ELMO1: variants seen among roughly 807,000 people sequenced by gnomAD.
ELMO1 encodes the protein engulfment and cell motility protein 1.
A neutral mutation model predicts 98.9 loss-of-function variants in ELMO1; 26 were observed. That is an observed-to-expected ratio of 0.26 (90% CI 0.19 to 0.36). ELMO1 has a LOEUF of 0.36. ELMO1 is among the 10% of genes least tolerant of loss of function. The pLI, the probability that ELMO1 is intolerant of heterozygous loss-of-function variation, is 1.00. For missense variants in ELMO1, 627 were observed against 935.2 expected (o/e 0.67, Z 4.30); for synonymous variants, 346 against 346.0 (o/e 1.00, Z 0.00).
chr7:37,152,294 C>A (rs574804573), intron 13 of ELMO1, among the ~76,000 whole-genome samples: 23 of 152,218 alleles, frequency 1.5e-4, no homozygotes, highest in Non-Finnish European at 2.4e-4. Flanking sequence ...TTGGGAAGGC[C>A]TGGCCCACGA....
chr7:37,107,262 T>C (rs79348175), intron 14 of ELMO1, among the ~76,000 whole-genome samples: 2,473 of 152,302 alleles, frequency 0.016, 58 homozygotes, highest in African/African-American at 0.057. Context: ...CTCTATATTG[T>C]TTGCATTTTT....
At chr7:37,108,688 G>A (rs1320602546) in intron 14 of ELMO1, among the ~76,000 whole-genome samples, 3 of 152,162 alleles carry the variant, frequency 2.0e-5, no homozygotes, top group Admixed American at 6.5e-5. Flanking sequence ...TCAACCCCTT[G>A]AGGTTGGGAA....
chr7:37,080,600 ATTTTTTTTTT>A (rs764259726), intron 15 of ELMO1, among the ~76,000 whole-genome samples: 226 of 105,216 alleles, frequency 2.1e-3, no homozygotes, highest in Non-Finnish European at 3.3e-3. Flanking sequence ...ACCACGCCTA[ATTTTTTTTTT>A]TTTTTTTTTT....
At position 37,325,620 on chromosome 7, in the gene ELMO1, TA is replaced by T. The variant is rs576935483; in HGVS notation, c.79-9661del. On this transcript the variant is annotated intron_variant, in intron 2 of 21. Transcript: ENST00000310758. Reference sequence around the variant, plus strand: ...TATTAAAAAGCATTTCTCCAGTGCTTAAAAAAAAACCTACCTGACAGATGCT... The same window carrying T: ...TATTAAAAAGCATTTCTCCAGTGCTTAAAAAAAACCTACCTGACAGATGCT... 3.8e-3 allele frequency among the ~76,000 whole-genome samples: 577 copies of T among 151,642 alleles called. 4 individuals are homozygous for T. The highest frequency in any genetic ancestry group is 0.01 in the Admixed American group (155 of 15,206).
intron 2 of ELMO1, 136 bp from the exon 3 acceptor site, chr7:37,316,096 T>G (rs560712091): frequency 1.4e-6 from 1 of 702,274 alleles, no homozygotes; most frequent in African/African-American, 1.8e-5. Flanking sequence ...TGTCAATGAG[T>G]CTCTTATTTT....
chr7:37,037,672 G>A (rs1467058440), intron 15 of ELMO1, among the ~76,000 whole-genome samples: 1 of 152,168 alleles, frequency 6.6e-6, no homozygotes, highest in African/African-American at 2.4e-5. Context: ...GTGAGCTGGG[G>A]TCAACAGAAG....
At chr7:36,967,555 T>C (rs538699811) in intron 16 of ELMO1, among the ~76,000 whole-genome samples, 62 of 152,234 alleles carry the variant, frequency 4.1e-4, no homozygotes, top group African/African-American at 1.5e-3. Flanking sequence ...GGGAGGGTGC[T>C]GCTGACCACT....
At chr7:37,243,138 T>C (rs2130700387) in intron 7 of ELMO1, among the ~76,000 whole-genome samples, 1 of 152,298 alleles carries the variant, frequency 6.6e-6, no homozygotes, top group Non-Finnish European at 1.5e-5. Context: ...GATTTATCAA[T>C]AAAAATCATG....
intron 5 of ELMO1, among the ~76,000 whole-genome samples, chr7:37,262,062 A>T (rs1487640225): frequency 6.6e-6 from 1 of 152,226 alleles, no homozygotes; most frequent in Non-Finnish European, 1.5e-5. Flanking sequence ...AATAATGTGG[A>T]AGCTAAGTAG....
chr7:37,441,470 T>C (rs1326345067), intron 1 of ELMO1, among the ~76,000 whole-genome samples: 2 of 152,212 alleles, frequency 1.3e-5, no homozygotes, highest in Non-Finnish European at 2.9e-5. Flanking sequence ...GTCGCACTAA[T>C]GGAATATCAA....
intron 15 of ELMO1, among the ~76,000 whole-genome samples, chr7:37,073,979 G>A (rs182857856): frequency 3.3e-5 from 5 of 150,682 alleles, no homozygotes; most frequent in African/African-American, 9.7e-5. Context: ...GGAGAAGTAG[G>A]GAAATGGCAG....
chr7:37,185,166 G>A (rs189094007), intron 13 of ELMO1, among the ~76,000 whole-genome samples: 51 of 152,308 alleles, frequency 3.3e-4, no homozygotes, highest in Admixed American at 1.1e-3. Context: ...GACAGATTAA[G>A]TTGAATTTGT....
chr7:37,290,631 G>A (rs983189616), intron 4 of ELMO1, among the ~76,000 whole-genome samples: 5 of 152,034 alleles, frequency 3.3e-5, no homozygotes, highest in Admixed American at 2.0e-4. Flanking sequence ...AACTTTAAGG[G>A]CAAAAATGGT....
chr7:37,163,054 A>C (rs946702538), intron 13 of ELMO1, among the ~76,000 whole-genome samples: 1 of 152,132 alleles, frequency 6.6e-6, no homozygotes. Flanking sequence ...GTTTTAAATA[A>C]TTTTTCTTAA....
At chr7:37,070,778 A>C (rs560994683) in intron 15 of ELMO1, among the ~76,000 whole-genome samples, 1 of 152,290 alleles carries the variant, frequency 6.6e-6, no homozygotes, top group South Asian at 2.1e-4. Context: ...TGGATTAATA[A>C]ACTAAGTAGG....
intron 14 of ELMO1, among the ~76,000 whole-genome samples, chr7:37,123,003 A>G (rs769621992): frequency 3.3e-5 from 5 of 152,146 alleles, no homozygotes; most frequent in Admixed American, 1.3e-4. Flanking sequence ...GCTCAACTAC[A>G]TGGAAACTGA....
At chr7:37,173,187 T>C (rs1460355901) in intron 13 of ELMO1, among the ~76,000 whole-genome samples, 2 of 152,238 alleles carry the variant, frequency 1.3e-5, no homozygotes, top group East Asian at 1.9e-4. Context: ...CACTTAACTC[T>C]AGAGATGCAC....
Position 36,890,910 on chromosome 7 carries a change from A to G in ELMO1, c.1602-3238T>C, listed in dbSNP as rs188613081. 4.2e-3 allele frequency among the ~76,000 whole-genome samples: 637 copies of G among 152,234 alleles called. 6 individuals carry two copies. The highest frequency in any genetic ancestry group is 5.5e-3 in the Non-Finnish European group (371 of 68,014). On this transcript the variant is annotated intron_variant, in intron 17 of 21. Coordinates refer to ENST00000310758, the MANE Select transcript of ELMO1 (RefSeq NM_014800.11). The stretch of plus-strand genomic sequence containing the variant: ...CCCCTCAGTTATTCTGCTCCAGCAC[A>G]CTGGCCTCCTCTTTATTCACTAAAC...
chr7:36,861,269 T>C (rs1205326345), intron 21 of ELMO1, among the ~76,000 whole-genome samples: 1 of 152,138 alleles, frequency 6.6e-6, no homozygotes, highest in Non-Finnish European at 1.5e-5. Context: ...TTAAAGAAAT[T>C]TGGTAGAAAA....
Sources: allele counts gnomAD v4.1 joint callset (sites outside exome capture counted in the v4.1 genomes callset), GRCh38; gene constraint gnomAD v4.1.1; transcripts MANE v1.5; gene names NCBI Gene and HGNC (gene_info 2026-07-23, HGNC 2026-07-21).